The following PRSS12 variants were observed in gnomAD, a reference collection of about 807,000 sequenced individuals.
The protein encoded by PRSS12 is neurotrypsin.
PRSS12 carries 85 observed loss-of-function variants against 104.4 expected under a neutral mutation model. The ratio of observed to expected loss-of-function variants is 0.81; its 90% CI spans 0.68 to 0.98. The LOEUF is 0.98. PRSS12 is among the 50% of genes least tolerant of loss of function. PRSS12 has a pLI of 0.00. For synonymous variants in PRSS12, 454 were observed against 425.2 expected, an observed-to-expected ratio of 1.07 and a Z score of -0.83; for missense variants, 1,141 against 1,139.2, an observed-to-expected ratio of 1.00 and a Z score of -0.02.
Position 118,352,686 on chromosome 4 carries a change from A to C in PRSS12, c.35T>G (p.Leu12Ter). ...GCCGACCACTTCGGGGAGCGCCCCT[A>C]ACATCAGGGCTAGCACGAAGCGGGC... ...TLARFVLALM[L>*]GALPEVVGFD... Residue 12 changes from leucine to a stop codon, truncating the protein, a stop_gained, in exon 1 of 13, where the codon TTA becomes TGA. Coordinates refer to ENST00000296498, the MANE Select transcript of PRSS12 (RefSeq NM_003619.4). LOFTEE classifies it high-confidence loss of function. 4 of 1,613,210 alleles carry C rather than the reference A, an allele frequency of 2.5e-6. No individual in the cohort carries two copies. The highest frequency in any genetic ancestry group is 3.4e-6 in the Non-Finnish European group (4 of 1,179,474).
intron 8 of PRSS12, among the ~76,000 whole-genome samples, chr4:118,299,795 AAAT>A (rs1743359882): frequency 1.5e-5 from 1 of 68,418 alleles, no homozygotes; most frequent in Non-Finnish European, 3.6e-5. Context: ...AAAATAAAAT[AAAT>A]AAAATAAAAT....
chr4:118,284,639 C>T (rs1262573768), intron 11 of PRSS12, among the ~76,000 whole-genome samples: 2 of 152,116 alleles, frequency 1.3e-5, no homozygotes, highest in Admixed American at 1.3e-4. Flanking sequence ...ACCCATTGGA[C>T]TTCTATCCTT....
At chr4:118,315,187 T>A (rs788651) in intron 6 of PRSS12, among the ~76,000 whole-genome samples, 128,584 of 151,986 alleles carry the variant, frequency 0.85, 56,125 homozygotes, top group South Asian at 0.95. Flanking sequence ...GGATATTGTT[T>A]TCATTAAAAA....
chr4:118,328,298 G>A (rs1296546393), intron 4 of PRSS12, among the ~76,000 whole-genome samples: 1 of 152,178 alleles, frequency 6.6e-6, no homozygotes, highest in South Asian at 2.1e-4. Context: ...AAGCTGGATT[G>A]TTATTTGTTA....
Position 118,317,996 on chromosome 4 carries a change from G to C in PRSS12, c.1150+382C>G, listed in dbSNP as rs996923630. Among the ~76,000 whole-genome samples the C allele has an allele frequency of 3.3e-5, 5 of 152,254 alleles. No homozygotes were observed. The East Asian group carries it at 9.7e-4, about 29-fold the overall frequency. On this transcript the variant is annotated intron_variant, in intron 5 of 12. Transcript: ENST00000296498. Reference sequence around the variant, plus strand: ...TCACAGTGTGCTTTAATCAACAATTGCATCAATACCAGCTCTAAACACATT... The same window carrying C: ...TCACAGTGTGCTTTAATCAACAATTCCATCAATACCAGCTCTAAACACATT...
intron 4 of PRSS12, among the ~76,000 whole-genome samples, chr4:118,321,284 A>G (rs769849309): frequency 1.3e-5 from 2 of 152,214 alleles, no homozygotes; most frequent in Non-Finnish European, 2.9e-5. Flanking sequence ...TTCTAAATAA[A>G]GTTTTCAGCT....
intron 11 of PRSS12, among the ~76,000 whole-genome samples, chr4:118,289,026 G>A (rs565684779): frequency 1.3e-5 from 2 of 152,268 alleles, no homozygotes; most frequent in East Asian, 3.9e-4. Flanking sequence ...AACTTTGCCA[G>A]CCTTCACATA....
At position 118,280,511 on chromosome 4, in the gene PRSS12, T is replaced by A. The variant is rs529849202; in HGVS notation, c.*1425A>T. On this transcript the variant is annotated 3_prime_UTR_variant, in exon 13 of 13. Coordinates refer to ENST00000296498, the MANE Select transcript of PRSS12 (RefSeq NM_003619.4). ...CAGTTATTACAGAAATGGGGATTTG[T>A]GAAAAGGATGTAATTTGATGTAGAA... 2 of 152,366 alleles carry A rather than the reference T, an allele frequency of 1.3e-5. No individual in the cohort carries two copies. The highest frequency in any genetic ancestry group is 4.8e-5 in the African/African-American group (2 of 41,592). The allele number at this position is 152,366 out of a possible 1,614,324, so 9.4% of individuals were successfully genotyped here.
At chr4:118,304,457 C>T (rs754939523) in intron 8 of PRSS12, among the ~76,000 whole-genome samples, 7 of 151,892 alleles carry the variant, frequency 4.6e-5, no homozygotes, top group Non-Finnish European at 7.4e-5. Flanking sequence ...AAGTCCTTTG[C>T]AGCTATTTAA....
At chr4:118,305,687 A>C (rs796881075) in intron 8 of PRSS12, among the ~76,000 whole-genome samples, 45 of 152,272 alleles carry the variant, frequency 3.0e-4, no homozygotes, top group African/African-American at 1.0e-3. Context: ...TACCCTCAAC[A>C]TATTTTGAAG....
chr4:118,338,206 G>A lies in PRSS12; in HGVS notation c.611C>T (p.Ala204Val). The A allele has an allele frequency of 6.2e-7, 1 of 1,614,046 alleles. No homozygotes were observed. The highest frequency in any genetic ancestry group is 8.5e-7 in the Non-Finnish European group (1 of 1,179,956). Residue 204 changes from alanine (A) to valine (V), a missense_variant, in exon 2 of 13, where the codon GCA becomes GTA. Transcript: ENST00000296498. ...CTGCAGCTGGTGACAAATGACTGATGCATCAGAATCATCCCAGTGGCTGCT... is the reference window on the plus strand; with the variant it reads ...CTGCAGCTGGTGACAAATGACTGATACATCAGAATCATCCCAGTGGCTGCT... ...VCSSHWDDSD[A>V]SVICHQLQLG...
At chr4:118,298,487 G>T (rs980094725) in intron 9 of PRSS12, among the ~76,000 whole-genome samples, 3 of 152,144 alleles carry the variant, frequency 2.0e-5, no homozygotes, top group Non-Finnish European at 4.4e-5. Flanking sequence ...GGCTAAGAAA[G>T]TGAAAAGAGG....
At chr4:118,301,152 A>C (rs965873029) in intron 8 of PRSS12, among the ~76,000 whole-genome samples, 6 of 152,084 alleles carry the variant, frequency 3.9e-5, no homozygotes, top group Admixed American at 6.6e-5. Context: ...TGTTAGTAAG[A>C]AATCTAGCTT....
At chr4:118,346,211 T>C (rs533288513) in intron 1 of PRSS12, among the ~76,000 whole-genome samples, 30 of 152,298 alleles carry the variant, frequency 2.0e-4, no homozygotes, top group Admixed American at 1.6e-3. Context: ...AAGTGTACCA[T>C]GCTGGAGTCT....
chr4:118,338,292 G>C lies in PRSS12; in HGVS notation c.525C>G (p.Gly175=). ...CRHGSVRLRG[G]KNEFEGTVEV... is the part of the protein sequence containing the mutation. ...CCACTGTGCCTTCAAACTCATTTTTGCCGCCACGAAGTCGTACTGATCCTA... is the reference window on the plus strand; with the variant it reads ...CCACTGTGCCTTCAAACTCATTTTTCCCGCCACGAAGTCGTACTGATCCTA... The change falls in exon 2 of 13, where the codon GGC becomes GGG. Residue 175 remains glycine, a synonymous_variant. Coordinates refer to ENST00000296498, the MANE Select transcript of PRSS12 (RefSeq NM_003619.4). 6.2e-7 allele frequency: 1 copy of C among 1,613,914 alleles called. No homozygotes were observed. Among genetic ancestry groups the C allele is most frequent in the Non-Finnish European group, 8.5e-7 (1 of 1,179,920 alleles).
intron 1 of PRSS12, among the ~76,000 whole-genome samples, chr4:118,348,351 G>A (rs1724407589): frequency 6.6e-6 from 1 of 152,178 alleles, no homozygotes; most frequent in African/African-American, 2.4e-5. Flanking sequence ...AGCCTAACAG[G>A]GTTAAGTCAC....
At chr4:118,282,722 C>A in intron 12 of PRSS12, 109 bp downstream of exon 12, 1 of 1,499,998 alleles carries the variant, frequency 6.7e-7, no homozygotes, top group Non-Finnish European at 9.2e-7. Context: ...AGCAAAATTT[C>A]TCCAAATAAG....
At chr4:118,301,191 A>G (rs546389479) in intron 8 of PRSS12, among the ~76,000 whole-genome samples, 1 of 152,280 alleles carries the variant, frequency 6.6e-6, no homozygotes, top group South Asian at 2.1e-4. Flanking sequence ...AGTTGTCCCA[A>G]TAACCTGCTG....
intron 11 of PRSS12, among the ~76,000 whole-genome samples, chr4:118,290,554 A>C (rs1743104669): frequency 6.6e-6 from 1 of 152,152 alleles, no homozygotes; most frequent in Non-Finnish European, 1.5e-5. Flanking sequence ...TTAAACTCCA[A>C]CATAAAAATA....
Sources: allele counts gnomAD v4.1 joint callset (sites outside exome capture counted in the v4.1 genomes callset), GRCh38; gene constraint gnomAD v4.1.1; transcripts MANE v1.5; gene names NCBI Gene and HGNC (gene_info 2026-07-23, HGNC 2026-07-21).